The following DIP2C variants were observed in gnomAD, a reference collection of about 807,000 sequenced individuals.
DIP2C encodes the protein DIP2 acetate--CoA ligase C (putative).
Under a neutral mutation model 192.4 loss-of-function variants are expected in DIP2C, and 33 were observed. That is an observed-to-expected ratio of 0.17 (90% CI 0.13 to 0.23). The LOEUF is 0.23. Ranked by LOEUF, DIP2C falls within the 10% of genes least tolerant of loss-of-function variation. DIP2C has a pLI of 1.00. For synonymous variants in DIP2C, 979 were observed against 864.1 expected, an observed-to-expected ratio of 1.13 and a Z score of -2.33; for missense variants, 1,537 against 2,110.1, an observed-to-expected ratio of 0.73 and a Z score of 5.32.
intron 1 of DIP2C, among the ~76,000 whole-genome samples, chr10:573,943 C>T (rs759957123): frequency 1.4e-4 from 21 of 152,320 alleles, no homozygotes; most frequent in Admixed American, 2.6e-4. Flanking sequence ...TAGAGCGTGA[C>T]AGGACTGCTC....
At chr10:584,884 T>C (rs11253264) in intron 1 of DIP2C, among the ~76,000 whole-genome samples, 4,627 of 53,388 alleles carry the variant, frequency 0.087, 477 homozygotes, top group African/African-American at 0.26. Flanking sequence ...CCCCCACTCA[T>C]GCGCATCACC....
At chr10:548,211 C>CCCCCCCCCA (rs1848397853) in intron 1 of DIP2C, among the ~76,000 whole-genome samples, 2 of 108,326 alleles carry the variant, frequency 1.8e-5, no homozygotes, top group African/African-American at 3.3e-5. Context: ...CTGCCCCACC[C>CCCCCCCCCA]CCCCCCCCAC....
At chr10:523,017 C>T (rs903806278) in intron 1 of DIP2C, among the ~76,000 whole-genome samples, 22 of 152,086 alleles carry the variant, frequency 1.4e-4, no homozygotes, top group African/African-American at 3.9e-4. Context: ...GTGACACATA[C>T]ACTCATTTCT....
At chr10:647,309 G>T (rs1245141938) in intron 1 of DIP2C, among the ~76,000 whole-genome samples, 17 of 143,492 alleles carry the variant, frequency 1.2e-4, no homozygotes, top group Admixed American at 4.8e-4. Context: ...CGTCCACATT[G>T]GACGGCGGGA....
At chr10:312,521 G>C (rs543701523) in intron 31 of DIP2C, among the ~76,000 whole-genome samples, 1 of 152,184 alleles carries the variant, frequency 6.6e-6, no homozygotes, top group Non-Finnish European at 1.5e-5. Flanking sequence ...ACGGAGTTAA[G>C]TGGTTTTCTT....
At chr10:412,497 A>T (rs974536096) in intron 8 of DIP2C, among the ~76,000 whole-genome samples, 2 of 152,354 alleles carry the variant, frequency 1.3e-5, no homozygotes, top group South Asian at 2.1e-4. Flanking sequence ...GAGCATAATT[A>T]AAAAAATAAA....
chr10:371,967 G>A (rs938735057), intron 17 of DIP2C, among the ~76,000 whole-genome samples: 2 of 152,078 alleles, frequency 1.3e-5, no homozygotes, highest in Admixed American at 1.3e-4. Context: ...TGCTAGGCTA[G>A]CCAAGATTGA....
intron 9 of DIP2C, among the ~76,000 whole-genome samples, chr10:404,380 T>C (rs529778960): frequency 3.3e-5 from 5 of 152,238 alleles, no homozygotes; most frequent in African/African-American, 1.2e-4. Flanking sequence ...AGCCAATTTT[T>C]TTCTATTTTT....
chr10:338,863 ACAGCCCACCCCACCTGCAC>A (rs1305792529), intron 29 of DIP2C, among the ~76,000 whole-genome samples: 3 of 140,154 alleles, frequency 2.1e-5, no homozygotes, highest in South Asian at 5.0e-4. Flanking sequence ...CCTGGCTCCC[ACAGCCCACCCCACCTGCAC>A]CCTGCACCCT....
chr10:411,516 G>A (rs1407484285), intron 8 of DIP2C, among the ~76,000 whole-genome samples: 1 of 152,186 alleles, frequency 6.6e-6, no homozygotes, highest in Non-Finnish European at 1.5e-5. Flanking sequence ...CGCTTCGTAG[G>A]AAGCTAAATT....
intron 1 of DIP2C, among the ~76,000 whole-genome samples, chr10:592,902 G>A (rs1851485415): frequency 6.6e-6 from 1 of 151,532 alleles, no homozygotes; most frequent in Non-Finnish European, 1.5e-5. Context: ...TGGGTATTTG[G>A]AAACTTCTGT....
At chr10:480,931 C>T (rs1366353975) in intron 2 of DIP2C, among the ~76,000 whole-genome samples, 3 of 152,198 alleles carry the variant, frequency 2.0e-5, no homozygotes, top group Non-Finnish European at 4.4e-5. Context: ...CCACGTTTCC[C>T]CTCCTCTGGG....
At chr10:562,009 G>C (rs1849246582) in intron 1 of DIP2C, among the ~76,000 whole-genome samples, 3 of 152,312 alleles carry the variant, frequency 2.0e-5, no homozygotes, top group African/African-American at 7.2e-5. Flanking sequence ...AGACTATAGT[G>C]ATTCTAAAAT....
At chr10:643,941 T>C (rs992117677) in intron 1 of DIP2C, among the ~76,000 whole-genome samples, 7 of 152,210 alleles carry the variant, frequency 4.6e-5, no homozygotes, top group African/African-American at 1.7e-4. Flanking sequence ...AAATAGAATA[T>C]CCTAACCTCT....
intron 3 of DIP2C, among the ~76,000 whole-genome samples, chr10:445,263 T>C (rs1242213717): frequency 6.6e-6 from 1 of 151,056 alleles, no homozygotes; most frequent in African/African-American, 2.4e-5. Context: ...CCATGGGGCA[T>C]CTGTATACAA....
At chr10:560,808 T>C (rs1208830004) in intron 1 of DIP2C, among the ~76,000 whole-genome samples, 1 of 152,008 alleles carries the variant, frequency 6.6e-6, no homozygotes, top group East Asian at 1.9e-4. Flanking sequence ...CCATGATCGG[T>C]GGGGGGTGGG....
chr10:688,375 G>C (rs1271551450), intron 1 of DIP2C, among the ~76,000 whole-genome samples: 1 of 152,166 alleles, frequency 6.6e-6, no homozygotes, highest in Non-Finnish European at 1.5e-5. Flanking sequence ...CATGGCCCCT[G>C]CTCACTCCCT....
chr10:467,313 T>C (rs1313397749), intron 3 of DIP2C, among the ~76,000 whole-genome samples: 4 of 145,808 alleles, frequency 2.7e-5, no homozygotes, highest in Non-Finnish European at 5.9e-5. Flanking sequence ...TTCTCACTCA[T>C]AGGTGGGAAT....
intron 1 of DIP2C, among the ~76,000 whole-genome samples, chr10:563,615 A>T (rs978536392): frequency 2.0e-5 from 3 of 152,232 alleles, no homozygotes; most frequent in African/African-American, 7.2e-5. Flanking sequence ...CAACAATGAA[A>T]ATGAAAAAGA....
Sources: gnomAD v4.1 joint callset for allele counts (sites outside exome capture counted in the v4.1 genomes callset) on GRCh38, gnomAD v4.1.1 for gene constraint, MANE v1.5 for transcripts, NCBI Gene and HGNC (gene_info 2026-07-23, HGNC 2026-07-21) for gene names.